The following PLCB1 variants were observed in gnomAD, a reference collection of about 807,000 sequenced individuals.
PLCB1 encodes 1-phosphatidylinositol 4,5-bisphosphate phosphodiesterase beta-1.
A neutral mutation model predicts 161.8 loss-of-function variants in PLCB1; 46 were observed. The ratio of observed to expected loss-of-function variants is 0.28; its 90% CI spans 0.22 to 0.36. PLCB1 has a LOEUF of 0.36. PLCB1 is among the 10% of genes least tolerant of loss of function. The probability of loss-of-function intolerance (pLI) is 1.00; values close to 1 mark genes in which losing one functional copy is unlikely to be tolerated. For synonymous variants in PLCB1, 517 were observed against 503.7 expected (o/e 1.03, Z -0.35); for missense variants, 1,016 against 1,472.5 (o/e 0.69, Z 5.07).
intron 3 of PLCB1, among the ~76,000 whole-genome samples, chr20:8,510,168 A>G (rs1469440951): frequency 2.0e-5 from 3 of 152,100 alleles, no homozygotes. Flanking sequence ...ACTATGTTTG[A>G]TGCCCAAAGA....
At chr20:8,814,577 ATGTG>A (rs10670728) in intron 31 of PLCB1, among the ~76,000 whole-genome samples, 3,902 of 145,262 alleles carry the variant, frequency 0.027, 158 homozygotes, top group African/African-American at 0.093. Flanking sequence ...ATGTACTTGC[ATGTG>A]TGTGTGTGTG....
At chr20:8,703,158 A>G (rs1978464284) in intron 11 of PLCB1, among the ~76,000 whole-genome samples, 1 of 152,150 alleles carries the variant, frequency 6.6e-6, no homozygotes, top group South Asian at 2.1e-4. Context: ...TTCCCAGTGC[A>G]AGTCTCCTTT....
intron 3 of PLCB1, among the ~76,000 whole-genome samples, chr20:8,565,740 A>AT (rs1214102706): frequency 1.3e-5 from 2 of 151,702 alleles, no homozygotes; most frequent in Non-Finnish European, 2.9e-5. Context: ...TTTAAGGAAG[A>AT]TTTTTTTTCT....
At chr20:8,468,917 T>A (rs1981932759) in intron 3 of PLCB1, among the ~76,000 whole-genome samples, 1 of 152,118 alleles carries the variant, frequency 6.6e-6, no homozygotes, top group South Asian at 2.1e-4. Context: ...GAGTCATAAC[T>A]CAGTCATTTA....
chr20:8,169,419 A>G (rs536113983), intron 2 of PLCB1, among the ~76,000 whole-genome samples: 1 of 152,336 alleles, frequency 6.6e-6, no homozygotes, highest in South Asian at 2.1e-4. Context: ...TGAGGATTAA[A>G]TGAGATAACA....
At chr20:8,134,425 T>A (rs1481189587) in intron 1 of PLCB1, among the ~76,000 whole-genome samples, 1 of 152,254 alleles carries the variant, frequency 6.6e-6, no homozygotes, top group Non-Finnish European at 1.5e-5. Context: ...CTAAACTGTA[T>A]TTTAAATAAT....
intron 2 of PLCB1, among the ~76,000 whole-genome samples, chr20:8,257,526 G>A (rs1981489298): frequency 6.6e-6 from 1 of 152,126 alleles, no homozygotes; most frequent in Admixed American, 6.6e-5. Context: ...GCTTGCGTTT[G>A]AATTTAAGCT....
intron 31 of PLCB1, among the ~76,000 whole-genome samples, chr20:8,839,489 G>T (rs1405364883): frequency 6.6e-6 from 1 of 152,130 alleles, no homozygotes; most frequent in Non-Finnish European, 1.5e-5. Context: ...TGATTCAGCA[G>T]ATCCAGTGGT....
intron 3 of PLCB1, among the ~76,000 whole-genome samples, chr20:8,399,791 CTAGT>C (rs1978468098): frequency 6.6e-6 from 1 of 151,806 alleles, no homozygotes; most frequent in Non-Finnish European, 1.5e-5. Flanking sequence ...AAAATCATTA[CTAGT>C]TAAACAATTA....
At chr20:8,215,126 G>C (rs1464240841) in intron 2 of PLCB1, among the ~76,000 whole-genome samples, 1 of 152,046 alleles carries the variant, frequency 6.6e-6, no homozygotes, top group Non-Finnish European at 1.5e-5. Flanking sequence ...TGAGGCCACT[G>C]AGAAGATTAT....
chr20:8,556,943 T>C (rs1312776058), intron 3 of PLCB1, among the ~76,000 whole-genome samples: 3 of 150,190 alleles, frequency 2.0e-5, no homozygotes, highest in African/African-American at 7.3e-5. Flanking sequence ...GAGATACCAC[T>C]TGACACCATT....
chr20:8,817,225 A>C (rs1249386175), intron 31 of PLCB1, among the ~76,000 whole-genome samples: 2 of 152,210 alleles, frequency 1.3e-5, no homozygotes, highest in African/African-American at 4.8e-5. Flanking sequence ...TGCATCAATG[A>C]ATGGGAAAAA....
At chr20:8,408,745 T>C (rs1978899795) in intron 3 of PLCB1, among the ~76,000 whole-genome samples, 1 of 152,154 alleles carries the variant, frequency 6.6e-6, no homozygotes, top group Admixed American at 6.5e-5. Flanking sequence ...TGTGTTAGGG[T>C]CTATTTCTAG....
chr20:8,565,438 TAACA>T (rs1200421399), intron 3 of PLCB1, among the ~76,000 whole-genome samples: 1 of 152,104 alleles, frequency 6.6e-6, no homozygotes, highest in Non-Finnish European at 1.5e-5. Context: ...TATACCTATG[TAACA>T]AACCTGCACA....
At chr20:8,601,324 A>G (rs1987580553) in intron 3 of PLCB1, among the ~76,000 whole-genome samples, 1 of 152,142 alleles carries the variant, frequency 6.6e-6, no homozygotes, top group Admixed American at 6.5e-5. Context: ...TCTCCGAGGT[A>G]TTAAGCCTAG....
intron 3 of PLCB1, among the ~76,000 whole-genome samples, chr20:8,608,982 A>C (rs191053430): frequency 6.6e-6 from 1 of 152,216 alleles, no homozygotes; most frequent in East Asian, 1.9e-4. Flanking sequence ...TTTTCAATAT[A>C]CCCTAGCAAA....
intron 1 of PLCB1, among the ~76,000 whole-genome samples, chr20:8,137,256 TGAC>T (rs1446941077): frequency 1.3e-5 from 2 of 152,176 alleles, no homozygotes; most frequent in Non-Finnish European, 2.9e-5. Context: ...AAGTAAATGA[TGAC>T]AAGATGACAC....
intron 2 of PLCB1, among the ~76,000 whole-genome samples, chr20:8,319,540 G>T (rs552648570): frequency 6.6e-6 from 1 of 151,704 alleles, no homozygotes; most frequent in Non-Finnish European, 1.5e-5. Flanking sequence ...AAAAAAAATT[G>T]CAAAGCTAGC....
At chr20:8,302,573 A>G (rs1485568248) in intron 2 of PLCB1, among the ~76,000 whole-genome samples, 1 of 152,256 alleles carries the variant, frequency 6.6e-6, no homozygotes, top group East Asian at 1.9e-4. Context: ...GAAATTTGAT[A>G]GCAATGCATT....
Sources: allele counts gnomAD v4.1 joint callset (sites outside exome capture counted in the v4.1 genomes callset), GRCh38; gene constraint gnomAD v4.1.1; transcripts MANE v1.5; gene names NCBI Gene and HGNC (gene_info 2026-07-23, HGNC 2026-07-21).